SCARB2: variants seen among roughly 807,000 people sequenced by gnomAD.
The protein encoded by SCARB2 is scavenger receptor class B member 2, also known as lysosome membrane protein 2.
A neutral mutation model predicts 58.6 loss-of-function variants in SCARB2; 29 were observed. The observed-to-expected ratio is 0.49, with a 90% confidence interval of 0.37 to 0.67. SCARB2 has a LOEUF of 0.67. Among genes scored for constraint, SCARB2 ranks in the 30% least tolerant of loss-of-function variants. The pLI is 0.00. For missense variants in SCARB2, 488 were observed against 578.5 expected (o/e 0.84, Z 1.60); for synonymous variants, 195 against 210.1 (o/e 0.93, Z 0.62).
chr4:76,201,481 G>T (rs1732827629), intron 1 of SCARB2, among the ~76,000 whole-genome samples: 1 of 152,200 alleles, frequency 6.6e-6, no homozygotes, highest in South Asian at 2.1e-4. Flanking sequence ...GCAGCGTAGA[G>T]CACAACGCTG....
rs144147706 is a variant in SCARB2 at position 76,168,454 on chromosome 4, G to A, written c.1136C>T (p.Ala379Val). 3.6e-5 allele frequency: 58 copies of A among 1,613,936 alleles called. No homozygotes were observed. The African/African-American group carries it at 7.5e-4, about 21-fold the overall frequency. Reference sequence around the variant, plus strand: ...AATGTTGATTTGGAACCTCTTGGCTGCTTTTAGGATTATTCCAGTCAACTG... The same window carrying A: ...AATGTTGATTTGGAACCTCTTGGCTACTTTTAGGATTATTCCAGTCAACTG... Reference protein sequence around the residue: ...INPLTGIILKAAKRFQINIYV... With the variant: ...INPLTGIILKVAKRFQINIYV... Residue 379 changes from alanine to valine, a missense_variant, in exon 9 of 12, where the codon GCA becomes GTA. Transcript: ENST00000264896.
At chr4:76,182,001 T>C (rs6823680) in intron 2 of SCARB2, among the ~76,000 whole-genome samples, 34,059 of 152,000 alleles carry the variant, frequency 0.22, 4,674 homozygotes, top group African/African-American at 0.39. Flanking sequence ...CCTAAACAAG[T>C]AGTAATCAAG....
At chr4:76,189,758 C>T (rs1732564703) in intron 2 of SCARB2, among the ~76,000 whole-genome samples, 2 of 152,230 alleles carry the variant, frequency 1.3e-5, no homozygotes, top group South Asian at 2.1e-4. Flanking sequence ...AGGCATCAGC[C>T]ACCACACCCA....
At chr4:76,179,183 A>C (rs1732326748) in intron 4 of SCARB2, 2 of 328,738 alleles carry the variant, frequency 6.1e-6, no homozygotes, top group Non-Finnish European at 1.2e-5. Context: ...TCTCCTGAGT[A>C]GGTGAGATTA....
At chr4:76,219,014 A>C (rs1252689608) in intron 1 of SCARB2, among the ~76,000 whole-genome samples, 1 of 152,218 alleles carries the variant, frequency 6.6e-6, no homozygotes, top group East Asian at 1.9e-4. Context: ...GTCCAATGTT[A>C]CTGGCCAGTA....
chr4:76,197,810 G>GT (rs1277216186), intron 1 of SCARB2, among the ~76,000 whole-genome samples: 3 of 152,108 alleles, frequency 2.0e-5, no homozygotes, highest in African/African-American at 7.2e-5. Context: ...ATTAGGAGGA[G>GT]TCTTCCACTC....
chr4:76,166,359 T>A, intron 9 of SCARB2, 58 bp from the exon 10 acceptor site: 1 of 1,513,314 alleles, frequency 6.6e-7, no homozygotes, highest in Non-Finnish European at 9.2e-7. Context: ...TGGCACACTT[T>A]CCCGGACAGA....
At chr4:76,201,157 G>A (rs1237514953) in intron 1 of SCARB2, among the ~76,000 whole-genome samples, 1 of 152,140 alleles carries the variant, frequency 6.6e-6, no homozygotes, top group African/African-American at 2.4e-5. Context: ...CTCAGCCAGT[G>A]CCTTGGCCTG....
At chr4:76,230,530 C>T (rs1230298273) in intron 1 of SCARB2, among the ~76,000 whole-genome samples, 1 of 152,198 alleles carries the variant, frequency 6.6e-6, no homozygotes, top group East Asian at 1.9e-4. Flanking sequence ...CTTCTTTCTG[C>T]AGCAGTTCCT....
chr4:76,160,700 AAT>A lies in SCARB2; in HGVS notation c.*1011_*1012del, dbSNP rs1368951151. 1.3e-5 allele frequency: 2 copies of A among 152,202 alleles called. No individual in the cohort carries two copies. Among genetic ancestry groups the A allele is most frequent in the Non-Finnish European group, 2.9e-5 (2 of 68,034 alleles). 9.4% of individuals were successfully genotyped at this position (152,202 alleles called of 1,614,324 possible). ...CCAAGAAGGCGGCTGTCCCAGAAGA[AAT>A]ATCTCTTTAGTCTAATCAGACTTTC... is the stretch of plus-strand genomic sequence containing the variant. On this transcript the variant is annotated 3_prime_UTR_variant, in exon 12 of 12. Coordinates refer to ENST00000264896, the MANE Select transcript of SCARB2 (RefSeq NM_005506.4).
At chr4:76,195,503 G>A (rs1354560204) in intron 2 of SCARB2, 7 of 583,466 alleles carry the variant, frequency 1.2e-5, no homozygotes, top group East Asian at 2.9e-5. Context: ...AACACAACAC[G>A]CTGAGACTTG....
intron 2 of SCARB2, chr4:76,195,001 T>G (rs1383451609): frequency 2.0e-5 from 3 of 152,086 alleles, no homozygotes; most frequent in Non-Finnish European, 4.4e-5. Flanking sequence ...CAGACAAAAG[T>G]AAATTCTGGA....
intron 1 of SCARB2, among the ~76,000 whole-genome samples, chr4:76,199,381 T>A (rs1308726699): frequency 6.6e-6 from 1 of 152,208 alleles, no homozygotes; most frequent in Non-Finnish European, 1.5e-5. Flanking sequence ...TCCCAAATAT[T>A]GCATGGGCTA....
intron 4 of SCARB2, among the ~76,000 whole-genome samples, chr4:76,177,343 A>T (rs1355166811): frequency 6.6e-6 from 1 of 152,000 alleles, no homozygotes; most frequent in African/African-American, 2.4e-5. Context: ...GGCAATTAAA[A>T]AAAAAAAAAA....
rs1733022795 is a variant in SCARB2, at chr4:76,210,496, G to C, written c.117+2931C>G. On this transcript the variant is annotated intron_variant, in intron 1 of 11. Transcript: ENST00000264896. ...TAAACTCCTGCCTTTCCAGGCCTAA[G>C]GGAGGAAAAGGAACTGCTGGGTCTC... Among the ~76,000 whole-genome samples, 4 of 152,212 alleles carry C rather than the reference G, an allele frequency of 2.6e-5. No homozygotes were observed. In the South Asian group the frequency reaches 8.3e-4, roughly 32 times the overall value.
At chr4:76,226,360 A>G (rs10004443) in intron 1 of SCARB2, among the ~76,000 whole-genome samples, 114,612 of 152,058 alleles carry the variant, frequency 0.75, 44,585 homozygotes, top group Non-Finnish European at 0.87. Flanking sequence ...CTGCTACTTG[A>G]GATAATGGAG....
intron 10 of SCARB2, 88 bp downstream of exon 10, chr4:76,166,162 A>G (rs1185039899): frequency 7.7e-7 from 1 of 1,300,248 alleles, no homozygotes; most frequent in Non-Finnish European, 1.1e-6. Context: ...CTTCTGTCAT[A>G]ACTTACATGT....
At chr4:76,182,042 C>CTAAAATTTATG (rs1732397729) in intron 2 of SCARB2, among the ~76,000 whole-genome samples, 1 of 152,084 alleles carries the variant, frequency 6.6e-6, no homozygotes, top group African/African-American at 2.4e-5. Flanking sequence ...TTTATTAAAA[C>CTAAAATTTATG]CAAAATTTAT....
chr4:76,195,891 C>T lies in SCARB2; in HGVS notation c.118-27G>A, dbSNP rs79180365. On this transcript the variant is annotated intron_variant, in intron 1 of 11. Coordinates refer to ENST00000264896, the MANE Select transcript of SCARB2 (RefSeq NM_005506.4). ...TAGGAAAAAACCAAAAGGAGATTTA[C>T]AAAAATGTAAGGCAATAGTTGGCTT... The T allele has an allele frequency of 4.3e-3, 6,860 of 1,597,318 alleles. 261 individuals carry two copies. In the African/African-American group the frequency reaches 0.081, roughly 19 times the overall value.
Sources: gnomAD v4.1 joint callset for allele counts (sites outside exome capture counted in the v4.1 genomes callset) on GRCh38, gnomAD v4.1.1 for gene constraint, MANE v1.5 for transcripts, NCBI Gene and HGNC (gene_info 2026-07-23, HGNC 2026-07-21) for gene names.